Variants in BTBD9 observed in about 807,000 individuals in gnomAD.
BTBD9 encodes the protein BTB domain containing 9, also known as BTB/POZ domain-containing protein 9.
In BTBD9, 49 loss-of-function variants were observed where a neutral mutation model predicts 64.3. The ratio of observed to expected loss-of-function variants is 0.76; its 90% CI spans 0.61 to 0.97. The LOEUF is 0.97. BTBD9 is among the 50% of genes least tolerant of loss of function. The pLI is 0.00. For missense variants in BTBD9, 598 were observed against 762.1 expected (o/e 0.78, Z 2.53); for synonymous variants, 260 against 274.7 (o/e 0.95, Z 0.53).
At chr6:38,446,017 C>T (rs1769260990) in intron 6 of BTBD9, among the ~76,000 whole-genome samples, 1 of 152,096 alleles carries the variant, frequency 6.6e-6, no homozygotes, top group Non-Finnish European at 1.5e-5. Context: ...AATTTCTATC[C>T]CCCTTAGACA....
chr6:38,466,236 A>C (rs1300391286), intron 6 of BTBD9, among the ~76,000 whole-genome samples: 1 of 150,402 alleles, frequency 6.6e-6, no homozygotes, highest in Non-Finnish European at 1.5e-5. Context: ...TACTGATGTC[A>C]GAATTTCTAA....
At chr6:38,504,951 A>G (rs1210563987) in intron 6 of BTBD9, among the ~76,000 whole-genome samples, 1 of 152,170 alleles carries the variant, frequency 6.6e-6, no homozygotes, top group East Asian at 1.9e-4. Context: ...CTTTTGTAAT[A>G]GCAACCATTA....
At chr6:38,266,106 A>G (rs1764963000) in intron 8 of BTBD9, among the ~76,000 whole-genome samples, 1 of 152,254 alleles carries the variant, frequency 6.6e-6, no homozygotes, top group Admixed American at 6.5e-5. Context: ...TCCTGCTTTC[A>G]ACGCAAATCT....
chr6:38,376,353 A>C lies in BTBD9; in HGVS notation c.1155-31260T>G, dbSNP rs12196871. On this transcript the variant is annotated intron_variant, in intron 6 of 10. Coordinates refer to ENST00000481247, the MANE Select transcript of BTBD9 (RefSeq NM_001099272.2). ...AAGGATGAAAATTAATTTTAGGGGT[A>C]ATATATATTAATGTGGTAGGAAACA... 2.2e-3 allele frequency among the ~76,000 whole-genome samples: 339 copies of C among 152,286 alleles called. 2 individuals are homozygous for C. The highest frequency in any genetic ancestry group is 4.3e-3 in the Non-Finnish European group (294 of 68,006).
At chr6:38,488,034 G>GT (rs199836853) in intron 6 of BTBD9, among the ~76,000 whole-genome samples, 167 of 151,930 alleles carry the variant, frequency 1.1e-3, no homozygotes, top group African/African-American at 3.3e-3. Flanking sequence ...CCTAAAGGTT[G>GT]TTTTTTTTGA....
intron 6 of BTBD9, among the ~76,000 whole-genome samples, chr6:38,363,150 G>C (rs375828286): frequency 6.6e-6 from 1 of 152,168 alleles, no homozygotes; most frequent in African/African-American, 2.4e-5. Context: ...GTACAGTGGT[G>C]TGATCATAGC....
intron 6 of BTBD9, among the ~76,000 whole-genome samples, chr6:38,435,566 T>G (rs1242183129): frequency 1.3e-5 from 2 of 148,410 alleles, no homozygotes; most frequent in East Asian, 4.0e-4. Context: ...TTTCTTTCTT[T>G]CCTTCTTTCC....
chr6:38,542,070 A>C (rs1774306035), intron 6 of BTBD9, among the ~76,000 whole-genome samples: 1 of 152,126 alleles, frequency 6.6e-6, no homozygotes, highest in Non-Finnish European at 1.5e-5. Context: ...CTACAGCTGG[A>C]CAGGTGGCCT....
intron 1 of BTBD9, among the ~76,000 whole-genome samples, chr6:38,629,034 A>G (rs1428937267): frequency 6.6e-6 from 1 of 152,098 alleles, no homozygotes; most frequent in Non-Finnish European, 1.5e-5. Context: ...ATGAGTTTAA[A>G]AAAAAAAACA....
At chr6:38,382,869 C>T (rs1765997867) in intron 6 of BTBD9, among the ~76,000 whole-genome samples, 1 of 152,020 alleles carries the variant, frequency 6.6e-6, no homozygotes, top group South Asian at 2.1e-4. Context: ...AAATAGAAAA[C>T]CAGTGTGGTG....
intron 7 of BTBD9, among the ~76,000 whole-genome samples, chr6:38,320,642 C>T (rs1165773744): frequency 2.0e-5 from 3 of 152,134 alleles, no homozygotes; most frequent in Non-Finnish European, 2.9e-5. Flanking sequence ...GTTTCTCTAC[C>T]TATAAAGATA....
At chr6:38,183,784 C>A (rs1407849407) in intron 10 of BTBD9, among the ~76,000 whole-genome samples, 1 of 152,210 alleles carries the variant, frequency 6.6e-6, no homozygotes, top group African/African-American at 2.4e-5. Context: ...AGCCTTGATG[C>A]CATCTTCAGT....
At chr6:38,428,697 A>G (rs921605410) in intron 6 of BTBD9, among the ~76,000 whole-genome samples, 2 of 150,810 alleles carry the variant, frequency 1.3e-5, no homozygotes, top group African/African-American at 4.9e-5. Context: ...CAGGCATTGG[A>G]ATGATTTTTC....
intron 1 of BTBD9, among the ~76,000 whole-genome samples, chr6:38,637,678 C>G (rs1205335529): frequency 1.3e-5 from 2 of 152,148 alleles, no homozygotes; most frequent in Non-Finnish European, 2.9e-5. Flanking sequence ...GGCCCAAGTA[C>G]ATCAGGTAGA....
intron 6 of BTBD9, among the ~76,000 whole-genome samples, chr6:38,374,290 T>TATATATATATATATATATATATATATAC (rs1344883215): frequency 1.4e-5 from 1 of 72,318 alleles, no homozygotes; most frequent in Non-Finnish European, 2.2e-5. Context: ...AAAGTATATA[T>TATATATATATATATATATATATATATAC]ATATATGTAT....
In BTBD9 at chr6:38,581,754, T is replaced by TG. The variant is rs199713779; in HGVS notation, c.815-1318dup. 4.0e-3 allele frequency among the ~76,000 whole-genome samples: 601 copies of TG among 152,142 alleles called. 27 individuals carry two copies. The East Asian group carries it at 0.079, about 20-fold the overall frequency. On this transcript the variant is annotated intron_variant, in intron 4 of 10. Coordinates refer to ENST00000481247, the MANE Select transcript of BTBD9 (RefSeq NM_001099272.2). ...TCTCAACTTCCATTTCTCAATGGGGTGGGGGGGAGACCATATCTATCCCCC... is the reference window on the plus strand; with the variant it reads ...TCTCAACTTCCATTTCTCAATGGGGTGGGGGGGGAGACCATATCTATCCCCC...
intron 7 of BTBD9, among the ~76,000 whole-genome samples, chr6:38,334,686 A>C (rs1463201328): frequency 6.6e-6 from 1 of 151,976 alleles, no homozygotes; most frequent in African/African-American, 2.4e-5. Context: ...AAACAAAAAC[A>C]AGCTGTACGC....
chr6:38,585,084 T>C (rs905472353), intron 4 of BTBD9, among the ~76,000 whole-genome samples: 1 of 152,054 alleles, frequency 6.6e-6, no homozygotes, highest in African/African-American at 2.4e-5. Context: ...GTGCTTCCTA[T>C]GTGCTGCTCA....
Position 38,202,085 on chromosome 6 carries a change from G to GTT in BTBD9, c.1563-9490_1563-9489dup, listed in dbSNP as rs147043026. ...AAAATCCAAAAATGTCGTTTTTTTT[G>GTT]TTTTTTTTTTTTTTTTTTGAGATGG... On this transcript the variant is annotated intron_variant, in intron 9 of 10. Coordinates refer to ENST00000481247, the MANE Select transcript of BTBD9 (RefSeq NM_001099272.2). 2.0e-3 allele frequency among the ~76,000 whole-genome samples: 239 copies of GTT among 120,580 alleles called. 6 individuals are homozygous for GTT. Among genetic ancestry groups the GTT allele is most frequent in the African/African-American group, 5.2e-3 (160 of 31,034 alleles). 79.1% of individuals were successfully genotyped at this position (120,580 alleles called of 152,430 possible).
Sources: allele counts gnomAD v4.1 joint callset (sites outside exome capture counted in the v4.1 genomes callset), GRCh38; gene constraint gnomAD v4.1.1; transcripts MANE v1.5; gene names NCBI Gene and HGNC (gene_info 2026-07-23, HGNC 2026-07-21).